The following GAN variants were observed in gnomAD, a reference collection of about 807,000 sequenced individuals.
GAN encodes gigaxonin.
A neutral mutation model predicts 71.3 loss-of-function variants in GAN; 48 were observed. The ratio of observed to expected loss-of-function variants is 0.67; its 90% CI spans 0.53 to 0.86. GAN has a LOEUF of 0.86. Among genes scored for constraint, GAN ranks in the 40% least tolerant of loss-of-function variants. The pLI is 0.00. For missense variants in GAN, 928 were observed against 770.1 expected, an observed-to-expected ratio of 1.21 and a Z score of -2.43; for synonymous variants, 386 against 276.8, an observed-to-expected ratio of 1.39 and a Z score of -3.92.
chr16:81,365,517 T>A, intron 9 of GAN, 39 bp downstream of exon 9: 1 of 1,595,704 alleles, frequency 6.3e-7, no homozygotes, highest in Non-Finnish European at 8.6e-7. Context: ...TGCAACTTTT[T>A]CTTTGTGCTT....
At position 81,377,225 on chromosome 16, in the gene GAN, C is replaced by T; in HGVS notation, c.1509C>T (p.Ile503=). The T allele has an allele frequency of 6.3e-7, 1 of 1,593,384 alleles. No homozygotes were observed. The highest frequency in any genetic ancestry group is 2.2e-5 in the East Asian group (1 of 44,774). The change falls in exon 10 of 11, where the codon ATC becomes ATT. Residue 503 remains isoleucine (I), a synonymous_variant. Coordinates refer to ENST00000648994, the MANE Select transcript of GAN (RefSeq NM_022041.4). ...EFYHDEFKRW[I]YLNDQNLCIP... ...GCATGGGCTTTGTTTTCAGGTGGAT[C>T]TATCTTAACGACCAGAATTTATGCA...
intron 9 of GAN, among the ~76,000 whole-genome samples, chr16:81,373,898 A>G (rs1192620832): frequency 6.6e-6 from 1 of 152,170 alleles, no homozygotes; most frequent in African/African-American, 2.4e-5. Flanking sequence ...ACGTGCCACC[A>G]TGCCCAGCTA....
intron 7 of GAN, 90 bp from the exon 8 acceptor site, chr16:81,364,884 C>A: frequency 7.7e-7 from 1 of 1,301,204 alleles, no homozygotes; most frequent in Non-Finnish European, 1.1e-6. Context: ...TCCTAAATCT[C>A]TTTAAGTATG....
At chr16:81,333,733 C>T (rs1013332462) in intron 1 of GAN, among the ~76,000 whole-genome samples, 3 of 152,174 alleles carry the variant, frequency 2.0e-5, no homozygotes, top group African/African-American at 7.2e-5. Flanking sequence ...ATACTTAGTA[C>T]CTAATATCTC....
Position 81,318,357 on chromosome 16 carries a change from T to A in GAN, c.167+3077T>A, listed in dbSNP as rs112677486. 1.3e-3 allele frequency among the ~76,000 whole-genome samples: 194 copies of A among 152,308 alleles called. 1 individual carries two copies. The highest frequency in any genetic ancestry group is 4.5e-3 in the African/African-American group (186 of 41,558). On this transcript the variant is annotated intron_variant, in intron 1 of 10. Coordinates refer to ENST00000648994, the MANE Select transcript of GAN (RefSeq NM_022041.4). Reference sequence around the variant, plus strand: ...TAACTGTCATAAGTGGTTGTGTGATTGTGTGGTTTAGAAGCAGTGGTATGG... The same window carrying A: ...TAACTGTCATAAGTGGTTGTGTGATAGTGTGGTTTAGAAGCAGTGGTATGG...
intron 1 of GAN, among the ~76,000 whole-genome samples, chr16:81,336,039 T>C (rs947124325): frequency 5.9e-5 from 9 of 152,118 alleles, no homozygotes; most frequent in Non-Finnish European, 7.4e-5. Flanking sequence ...AAGACCATCC[T>C]GTGTCTTGTT....
At position 81,328,220 on chromosome 16, in the gene GAN, C is replaced by G. The variant is rs552039555; in HGVS notation, c.167+12940C>G. 7.2e-4 allele frequency among the ~76,000 whole-genome samples: 109 copies of G among 152,232 alleles called. 2 individuals are homozygous for G. The highest frequency in any genetic ancestry group is 1.4e-3 in the Non-Finnish European group (94 of 68,034). The stretch of plus-strand genomic sequence containing the variant: ...ATTGGAGCTTCATTTATGTTGCCCT[C>G]AATTTCTGGTTCTGAACAGTATACT... On this transcript the variant is annotated intron_variant, in intron 1 of 10. Transcript: ENST00000648994.
intron 1 of GAN, among the ~76,000 whole-genome samples, chr16:81,329,356 TCAAATGTGGC>T (rs375058865): frequency 3.3e-5 from 5 of 152,248 alleles, no homozygotes; most frequent in African/African-American, 1.2e-4. Context: ...GTTGCCGCCC[TCAAATGTGGC>T]CAAATAAACT....
chr16:81,373,947 T>G (rs528296665), intron 9 of GAN, among the ~76,000 whole-genome samples: 1 of 152,340 alleles, frequency 6.6e-6, no homozygotes, highest in African/African-American at 2.4e-5. Flanking sequence ...TTCACCATGT[T>G]GGCCAGGATG....
chr16:81,349,576 G>A (rs1336899962), intron 1 of GAN, among the ~76,000 whole-genome samples: 1 of 152,118 alleles, frequency 6.6e-6, no homozygotes, highest in Non-Finnish European at 1.5e-5. Context: ...CCCAGGAGGA[G>A]GAGGTTGTAG....
rs572521147 is a variant in GAN, at chr16:81,345,960, C to T, written c.168-5623C>T. On this transcript the variant is annotated intron_variant, in intron 1 of 10. Coordinates refer to ENST00000648994, the MANE Select transcript of GAN (RefSeq NM_022041.4). ...CACATGCCCAGTTCACAATAGGGTTCGTGCTCCTATGAGAATCTAATGCCA... is the reference window on the plus strand; with the variant it reads ...CACATGCCCAGTTCACAATAGGGTTTGTGCTCCTATGAGAATCTAATGCCA... 5.9e-5 allele frequency among the ~76,000 whole-genome samples: 9 copies of T among 152,300 alleles called. 1 individual carries two copies. In the South Asian group the frequency reaches 1.9e-3, roughly 32 times the overall value.
chr16:81,359,849 A>G (rs553862525), intron 5 of GAN, among the ~76,000 whole-genome samples: 67 of 152,364 alleles, frequency 4.4e-4, no homozygotes. Context: ...GACGATAACA[A>G]TATACTGTAA....
rs959770559 is a variant in GAN at position 81,381,716 on chromosome 16, C to A, written c.*4120C>A. The A allele has an allele frequency of 1.1e-4, 17 of 152,268 alleles. No individual in the cohort carries two copies. The highest frequency in any genetic ancestry group is 4.1e-4 in the African/African-American group (17 of 41,476). The allele number at this position is 152,268 out of a possible 1,614,324, so 9.4% of individuals were successfully genotyped here. On this transcript the variant is annotated 3_prime_UTR_variant, in exon 11 of 11. Coordinates refer to ENST00000648994, the MANE Select transcript of GAN (RefSeq NM_022041.4). The stretch of plus-strand genomic sequence containing the variant: ...TGTCATCTGCCAGTCTCAGTGCTTG[C>A]ACAGAGTAGGTAGGCAATAAACATT...
In GAN at chr16:81,357,896, G is replaced by C. The variant is rs200403701; in HGVS notation, c.938G>C (p.Ser313Thr). The C allele has an allele frequency of 6.2e-7, 1 of 1,613,896 alleles. No homozygotes were observed. The highest frequency in any genetic ancestry group is 2.2e-5 in the East Asian group (1 of 44,880). ...CTTTGGATCGAACTGGCCCCTTTAA[G>C]CATGCCGAGAATTAACCATGGAGTT... The part of the protein sequence containing the change: ...RQLWIELAPL[S>T]MPRINHGVLS... The change falls in exon 5 of 11, where the codon AGC (serine) becomes ACC (threonine). Residue 313 changes from serine (S) to threonine (T), a missense_variant. Ser to Thr is a moderately conservative substitution (Grantham distance 58, BLOSUM62 1). Coordinates refer to ENST00000648994, the MANE Select transcript of GAN (RefSeq NM_022041.4).
At chr16:81,355,340 G>A (rs1910450889) in intron 3 of GAN, among the ~76,000 whole-genome samples, 1 of 152,168 alleles carries the variant, frequency 6.6e-6, no homozygotes, top group Non-Finnish European at 1.5e-5. Context: ...CTTGGAGGAA[G>A]GAGCAAAATC....
intron 6 of GAN, among the ~76,000 whole-genome samples, chr16:81,363,158 T>A (rs1374542251): frequency 6.6e-6 from 1 of 152,238 alleles, no homozygotes; most frequent in African/African-American, 2.4e-5. Context: ...CCTGACCCTG[T>A]CCTCCACAGC....
chr16:81,367,209 T>C (rs1476907143), intron 9 of GAN, among the ~76,000 whole-genome samples: 1 of 152,188 alleles, frequency 6.6e-6, no homozygotes, highest in African/African-American at 2.4e-5. Context: ...CGTAAGACTG[T>C]GGTTCCTTCT....
At chr16:81,322,620 T>A (rs1401177521) in intron 1 of GAN, among the ~76,000 whole-genome samples, 1 of 152,260 alleles carries the variant, frequency 6.6e-6, no homozygotes, top group Admixed American at 6.5e-5. Context: ...CAAAGTTGTT[T>A]ATGTTTTTAA....
chr16:81,321,834 G>A (rs972608923), intron 1 of GAN, among the ~76,000 whole-genome samples: 5 of 152,112 alleles, frequency 3.3e-5, no homozygotes, highest in Admixed American at 2.0e-4. Context: ...GATGTGACAC[G>A]TGGCAGGCTA....
Sources: allele counts gnomAD v4.1 joint callset (sites outside exome capture counted in the v4.1 genomes callset), GRCh38; gene constraint gnomAD v4.1.1; transcripts MANE v1.5; gene names NCBI Gene and HGNC (gene_info 2026-07-23, HGNC 2026-07-21).